FGF12: variants seen among roughly 807,000 people sequenced by gnomAD.
FGF12 encodes fibroblast growth factor 12.
In FGF12, 14 loss-of-function variants were observed where a neutral mutation model predicts 23.6. The ratio of observed to expected loss-of-function variants is 0.59; its 90% CI spans 0.39 to 0.93. FGF12 has a LOEUF of 0.93. Ranked by LOEUF, FGF12 falls within the 40% of genes least tolerant of loss-of-function variation. The pLI, the probability that FGF12 is intolerant of heterozygous loss-of-function variation, is 0.00. For synonymous variants in FGF12, 62 were observed against 77.3 expected (o/e 0.80, Z 1.04); for missense variants, 175 against 217.8 (o/e 0.80, Z 1.24).
intron 2 of FGF12, among the ~76,000 whole-genome samples, chr3:192,584,249 C>T (rs1479860696): frequency 6.6e-6 from 1 of 152,160 alleles, no homozygotes; most frequent in African/African-American, 2.4e-5. Flanking sequence ...CAACTCTATA[C>T]TTGCAAGTAT....
intron 4 of FGF12, among the ~76,000 whole-genome samples, chr3:192,193,940 A>C (rs970334178): frequency 2.5e-4 from 38 of 152,250 alleles, no homozygotes; most frequent in Non-Finnish European, 1.5e-5. Context: ...CTTTCTACCA[A>C]ATATACATAC....
intron 3 of FGF12, among the ~76,000 whole-genome samples, chr3:192,340,439 T>C (rs1173643683): frequency 6.6e-6 from 1 of 152,172 alleles, no homozygotes; most frequent in East Asian, 1.9e-4. Flanking sequence ...GTAGTATATA[T>C]TCTGTGTATA....
chr3:192,420,918 A>T (rs1271330781), intron 2 of FGF12, among the ~76,000 whole-genome samples: 1 of 152,190 alleles, frequency 6.6e-6, no homozygotes, highest in African/African-American at 2.4e-5. Context: ...CAAGAATCAC[A>T]ATTTGGAAAA....
At chr3:192,468,591 T>C (rs1420031710) in intron 2 of FGF12, among the ~76,000 whole-genome samples, 1 of 152,240 alleles carries the variant, frequency 6.6e-6, no homozygotes. Flanking sequence ...TGTGTCCTTC[T>C]TAGACATCAT....
intron 2 of FGF12, among the ~76,000 whole-genome samples, chr3:192,687,930 C>T (rs931435496): frequency 2.6e-5 from 4 of 152,126 alleles, no homozygotes; most frequent in Admixed American, 2.0e-4. Context: ...GCCCTTGCCA[C>T]GATGCACAAG....
intron 2 of FGF12, among the ~76,000 whole-genome samples, chr3:192,663,220 A>G (rs1008944124): frequency 1.3e-5 from 2 of 152,238 alleles, no homozygotes; most frequent in East Asian, 1.9e-4. Flanking sequence ...GTTGTCTATA[A>G]AATGAAAAGA....
chr3:192,192,009 G>C (rs1661103258), intron 4 of FGF12, among the ~76,000 whole-genome samples: 1 of 152,176 alleles, frequency 6.6e-6, no homozygotes, highest in African/African-American at 2.4e-5. Flanking sequence ...AACATCGTGT[G>C]CCTTTCAACA....
chr3:192,289,126 C>G (rs929137820), intron 4 of FGF12, among the ~76,000 whole-genome samples: 1 of 152,116 alleles, frequency 6.6e-6, no homozygotes, highest in Non-Finnish European at 1.5e-5. Flanking sequence ...ATGATTTGAT[C>G]AGCCTCTGAC....
intron 4 of FGF12, among the ~76,000 whole-genome samples, chr3:192,231,431 A>T (rs955438039): frequency 1.3e-5 from 2 of 152,192 alleles, no homozygotes; most frequent in African/African-American, 4.8e-5. Flanking sequence ...GGGCTGTTAA[A>T]ATAAGAGCAG....
At chr3:192,231,069 G>C (rs1308229970) in intron 4 of FGF12, among the ~76,000 whole-genome samples, 1 of 152,142 alleles carries the variant, frequency 6.6e-6, no homozygotes, top group Non-Finnish European at 1.5e-5. Flanking sequence ...AAAACTTAAA[G>C]TTCACCTGTA....
At chr3:192,326,487 T>C (rs1716826884) in intron 4 of FGF12, among the ~76,000 whole-genome samples, 1 of 152,156 alleles carries the variant, frequency 6.6e-6, no homozygotes, top group Non-Finnish European at 1.5e-5. Flanking sequence ...CTCATGTTTC[T>C]CAATAACTCC....
intron 2 of FGF12, among the ~76,000 whole-genome samples, chr3:192,599,277 T>TAATAATAAC (rs1250962554): frequency 6.7e-6 from 1 of 150,154 alleles, no homozygotes; most frequent in Non-Finnish European, 1.5e-5. Context: ...ATAATAATAA[T>TAATAATAAC]AATAATAAAG....
At position 192,360,851 on chromosome 3, in the gene FGF12, C is replaced by T; in HGVS notation, c.14-313G>A. The T allele has an allele frequency of 2.9e-6, 1 of 344,924 alleles. No individual in the cohort carries two copies. 21.4% of individuals were successfully genotyped at this position (344,924 alleles called of 1,614,324 possible). ...CATCTGGTGTCTGACTGCAAGATTT[C>T]ACCAACTTTATAGTCCCATTCCAGA... On this transcript the variant is annotated intron_variant, in intron 2 of 5. Coordinates refer to ENST00000445105, the MANE Select transcript of FGF12 (RefSeq NM_004113.6). This position sits in a 1 kb window ranked among gnomAD's most constrained non-coding sequence, Gnocchi z 4.3.
At chr3:192,678,168 C>T (rs969559074) in intron 2 of FGF12, among the ~76,000 whole-genome samples, 5 of 152,216 alleles carry the variant, frequency 3.3e-5, no homozygotes, top group South Asian at 4.1e-4. Context: ...ATGCTTTTCA[C>T]TTATTATTGT....
chr3:192,587,248 G>T (rs1188867075), intron 2 of FGF12, among the ~76,000 whole-genome samples: 2 of 151,752 alleles, frequency 1.3e-5, no homozygotes, highest in Admixed American at 1.3e-4. Flanking sequence ...TACTCAAAAC[G>T]GTTACCAGTT....
At chr3:192,173,353 A>G (rs1715673378) in intron 4 of FGF12, among the ~76,000 whole-genome samples, 1 of 150,710 alleles carries the variant, frequency 6.6e-6, no homozygotes, top group Admixed American at 6.6e-5. Flanking sequence ...AAGGAATGAA[A>G]CTATTGCACA....
intron 2 of FGF12, among the ~76,000 whole-genome samples, chr3:192,644,868 T>C (rs1348168907): frequency 2.6e-5 from 4 of 152,262 alleles, no homozygotes; most frequent in Admixed American, 6.5e-5. Flanking sequence ...ACAGGTGTCG[T>C]TGAGCATGGT....
At position 192,266,798 on chromosome 3, in the gene FGF12, CCA is replaced by C. The variant is rs376275029; in HGVS notation, c.228+68561_228+68562del. On this transcript the variant is annotated intron_variant, in intron 4 of 5. Transcript: ENST00000445105. Reference sequence around the variant, plus strand: ...AGTCAATTTGCTCTATCTTTAAACACCACACACACACACACACACACACACAT... The same window carrying C: ...AGTCAATTTGCTCTATCTTTAAACACCACACACACACACACACACACACAT... Among the ~76,000 whole-genome samples, 1,426 of 145,958 alleles carry C rather than the reference CCA, an allele frequency of 9.8e-3. 14 individuals carry two copies. The highest frequency in any genetic ancestry group is 0.026 in the African/African-American group (1,028 of 40,296).
chr3:192,402,648 T>C (rs142107038), intron 2 of FGF12, among the ~76,000 whole-genome samples: 1 of 152,330 alleles, frequency 6.6e-6, no homozygotes, highest in Non-Finnish European at 1.5e-5. Flanking sequence ...TCATTGCCAC[T>C]TGAGGCTTAG....
Sources: gnomAD v4.1 joint callset for allele counts (sites outside exome capture counted in the v4.1 genomes callset) on GRCh38, gnomAD v4.1.1 for gene constraint, Gnocchi (gnomAD v3.1) non-coding constraint, MANE v1.5 for transcripts, NCBI Gene and HGNC (gene_info 2026-07-23, HGNC 2026-07-21) for gene names.